The following SHROOM4 variants were observed in gnomAD, a reference collection of about 807,000 sequenced individuals.
SHROOM4 encodes the protein protein Shroom4.
SHROOM4 carries 17 observed loss-of-function variants against 80.3 expected under a neutral mutation model. That is an observed-to-expected ratio of 0.21 (90% CI 0.14 to 0.32). The LOEUF (loss-of-function observed/expected upper bound fraction) is 0.32, where lower values mean the gene tolerates loss of function less well. SHROOM4 is among the 10% of genes least tolerant of loss of function. The pLI, the probability that SHROOM4 is intolerant of heterozygous loss-of-function variation, is 1.00. For missense variants in SHROOM4, 993 were observed against 1,140.3 expected, an observed-to-expected ratio of 0.87 and a Z score of 1.86; for synonymous variants, 400 against 437.5, an observed-to-expected ratio of 0.91 and a Z score of 1.07.
rs1467340856 is a variant in SHROOM4 at position 50,607,599 on chromosome X, C to T, written c.3543G>A (p.Glu1181=). ...SCALNPEEVL[E]QPQPLSFGHL... is the part of the protein sequence containing the mutation. ...GGCCAAAGCTGAGGGGTTGTGGCTGCTCTAGGACCTCCTCAGGATTGAGAG... is the reference window on the plus strand; with the variant it reads ...GGCCAAAGCTGAGGGGTTGTGGCTGTTCTAGGACCTCCTCAGGATTGAGAG... The change falls in exon 6 of 9, where the codon GAG becomes GAA. Residue 1181 remains glutamate, a synonymous_variant. Coordinates refer to ENST00000376020, the MANE Select transcript of SHROOM4 (RefSeq NM_020717.5). 1 of 1,209,231 alleles carries T rather than the reference C, an allele frequency of 8.3e-7. No homozygotes were observed. The highest frequency in any genetic ancestry group is 1.1e-6 in the Non-Finnish European group (1 of 895,085).
At position 50,680,017 on chromosome X, in the gene SHROOM4, T is replaced by G; in HGVS notation, c.269+15769A>C. 1.8e-5 allele frequency among the ~76,000 whole-genome samples: 2 copies of G among 112,224 alleles called. 1 individual carries two copies. The highest frequency in any genetic ancestry group is 8.4e-3 in the Middle Eastern group (2 of 239). On this transcript the variant is annotated intron_variant, in intron 2 of 8. Transcript: ENST00000376020. ...ACTTTCATGTTGCCAAAATCAATAGTCAATTCTCAGAATCAATGTCTCATC... is the reference window on the plus strand; with the variant it reads ...ACTTTCATGTTGCCAAAATCAATAGGCAATTCTCAGAATCAATGTCTCATC...
chrX:50,713,778 T>C (rs969062124), intron 1 of SHROOM4, among the ~76,000 whole-genome samples: 42 of 112,420 alleles, frequency 3.7e-4, no homozygotes, highest in Non-Finnish European at 7.3e-4. Flanking sequence ...GTCTCTTCAC[T>C]GTTTATTGCT....
At chrX:50,791,174 C>T (rs1165021312) in intron 1 of SHROOM4, among the ~76,000 whole-genome samples, 1 of 110,599 alleles carries the variant, frequency 9.0e-6, no homozygotes, top group East Asian at 2.8e-4. Flanking sequence ...TAACAATGTA[C>T]TACCTCAAAA....
In SHROOM4 at chrX:50,627,604, G is replaced by A. The variant is rs201296213; in HGVS notation, c.2957+10C>T. 1.6e-4 allele frequency: 195 copies of A among 1,203,983 alleles called. No individual in the cohort carries two copies. Among genetic ancestry groups the A allele is most frequent in the Non-Finnish European group, 2.0e-4 (174 of 890,186 alleles). On this transcript the variant is annotated intron_variant, in intron 5 of 8. Coordinates refer to ENST00000376020, the MANE Select transcript of SHROOM4 (RefSeq NM_020717.5). ...ACCAACCCACCCCAACTCCCTGAGCGCTCACTTACCTCCCTGACTGGCTGG... is the reference window on the plus strand; with the variant it reads ...ACCAACCCACCCCAACTCCCTGAGCACTCACTTACCTCCCTGACTGGCTGG...
intron 2 of SHROOM4, among the ~76,000 whole-genome samples, chrX:50,668,267 T>A (rs1158267790): frequency 9.0e-6 from 1 of 111,220 alleles, no homozygotes; most frequent in African/African-American, 3.3e-5. Context: ...GGCGGCCTAG[T>A]GGGGTGTTAG....
chrX:50,627,888 A>G (rs782249290), intron 4 of SHROOM4, among the ~76,000 whole-genome samples: 1 of 111,658 alleles, frequency 9.0e-6, no homozygotes, highest in East Asian at 2.8e-4. Context: ...AGACTAAGGG[A>G]GCACTTAGGG....
rs185629814 is a variant in SHROOM4 at position 50,680,224 on chromosome X, G to C, written c.269+15562C>G. Among the ~76,000 whole-genome samples the C allele has an allele frequency of 2.1e-4, 23 of 111,084 alleles. No homozygotes were observed. The East Asian group carries it at 6.2e-3, about 30-fold the overall frequency. On this transcript the variant is annotated intron_variant, in intron 2 of 8. Coordinates refer to ENST00000376020, the MANE Select transcript of SHROOM4 (RefSeq NM_020717.5). Reference sequence around the variant, plus strand: ...CGGAGTATCCCAGGGCTCAATACAAGGACCTCTCCTCTTTGCTGCCTACAC... The same window carrying C: ...CGGAGTATCCCAGGGCTCAATACAACGACCTCTCCTCTTTGCTGCCTACAC...
chrX:50,805,296 A>G (rs1377930691), intron 1 of SHROOM4, among the ~76,000 whole-genome samples: 1 of 111,298 alleles, frequency 9.0e-6, no homozygotes, highest in African/African-American at 3.3e-5. Flanking sequence ...TCAGTTTCTT[A>G]TGGACCGTGA....
chrX:50,742,279 C>T (rs1410342885), intron 1 of SHROOM4, among the ~76,000 whole-genome samples: 3 of 111,261 alleles, frequency 2.7e-5, no homozygotes, highest in Non-Finnish European at 5.7e-5. Context: ...AGAGATTTAC[C>T]ATCCACCTCA....
At chrX:50,712,025 C>T (rs1350410634) in intron 1 of SHROOM4, among the ~76,000 whole-genome samples, 1 of 112,053 alleles carries the variant, frequency 8.9e-6, no homozygotes, top group Non-Finnish European at 1.9e-5. Flanking sequence ...CACCTACCTC[C>T]CAGGGTGGTT....
chrX:50,751,786 C>G (rs1557268069), intron 1 of SHROOM4, among the ~76,000 whole-genome samples: 2 of 111,976 alleles, frequency 1.8e-5, no homozygotes, highest in Non-Finnish European at 3.8e-5. Flanking sequence ...ACAGTAAGAT[C>G]TAAGACAGTA....
intron 2 of SHROOM4, among the ~76,000 whole-genome samples, chrX:50,682,309 A>G (rs782237180): frequency 8.9e-6 from 1 of 111,755 alleles, no homozygotes; most frequent in African/African-American, 3.3e-5. Context: ...CCACTATCTC[A>G]GCTTTCAAGT....
At chrX:50,763,657 GC>G (rs1935208034) in intron 1 of SHROOM4, among the ~76,000 whole-genome samples, 1 of 111,588 alleles carries the variant, frequency 9.0e-6, no homozygotes, top group African/African-American at 3.3e-5. Context: ...CCTCAGAGTA[GC>G]TCCTGGGTCA....
Position 50,634,076 on chromosome X carries a change from T to A in SHROOM4, c.1997A>T (p.Glu666Val). 8.3e-7 allele frequency: 1 copy of A among 1,211,812 alleles called. No individual in the cohort carries two copies. The highest frequency in any genetic ancestry group is 1.1e-6 in the Non-Finnish European group (1 of 895,522). The change falls in exon 4 of 9, where the codon GAG (glutamate) becomes GTG (valine). Residue 666 changes from glutamate (E) to valine (V), a missense_variant. Physicochemically the swap from Glu to Val is moderately radical, Grantham distance 121. Transcript: ENST00000376020. ...GCTCTCAGGGGCTTGGCTGAGGCAC[T>A]CGGAAGACCTAGCTCTGAGCATCAT... is the stretch of plus-strand genomic sequence containing the variant. ...KSMMLRARSSECLSQAPESHE... is the reference protein window; with the variant it reads ...KSMMLRARSSVCLSQAPESHE...
intron 5 of SHROOM4, among the ~76,000 whole-genome samples, chrX:50,625,527 G>GT (rs782576052): frequency 2.8e-4 from 31 of 111,727 alleles, no homozygotes; most frequent in African/African-American, 9.4e-4. Context: ...TGTTAAGGTG[G>GT]TGACAATAAG....
intron 1 of SHROOM4, among the ~76,000 whole-genome samples, chrX:50,779,696 T>C (rs782628171): frequency 1.8e-5 from 2 of 111,897 alleles, no homozygotes; most frequent in South Asian, 7.5e-4. Context: ...AGTCTCGCAA[T>C]GTGCCTCCAA....
chrX:50,757,043 T>C (rs782434671), intron 1 of SHROOM4, among the ~76,000 whole-genome samples: 1 of 111,872 alleles, frequency 8.9e-6, no homozygotes, highest in South Asian at 3.7e-4. Flanking sequence ...TTTGTTGTTG[T>C]ATCTTAGAAA....
At chrX:50,802,545 C>T (rs936018843) in intron 1 of SHROOM4, among the ~76,000 whole-genome samples, 1 of 112,047 alleles carries the variant, frequency 8.9e-6, no homozygotes, top group Non-Finnish European at 1.9e-5. Flanking sequence ...TAACTTCTGG[C>T]AACTCACTAA....
rs782324808 is a variant in SHROOM4 at position 50,638,291 on chromosome X, C to G, written c.287G>C (p.Ser96Thr). The G allele has an allele frequency of 8.3e-7, 1 of 1,211,883 alleles. No homozygotes were observed. Among genetic ancestry groups the G allele is most frequent in the Admixed American group, 2.2e-5 (1 of 46,104 alleles). Residue 96 changes from serine (S) to threonine (T), a missense_variant, in exon 3 of 9, where the codon AGT (serine) becomes ACT (threonine). By Grantham distance (58) the Ser-to-Thr change is moderately conservative (BLOSUM62 1). Transcript: ENST00000376020. ...LIVRRRNAPV[S>T]RPHSWHVAKL... is the part of the protein sequence containing the mutation. ...GGCCACATGCCATGAGTGCGGCCTA[C>G]TGACAGGGGCGTTCCTCCTACAGCA...
Sources: allele counts gnomAD v4.1 joint callset (sites outside exome capture counted in the v4.1 genomes callset), GRCh38; gene constraint gnomAD v4.1.1; transcripts MANE v1.5; gene names NCBI Gene and HGNC (gene_info 2026-07-23, HGNC 2026-07-21).